PDE8A: variants seen among roughly 807,000 people sequenced by gnomAD.
The protein encoded by PDE8A is high affinity cAMP-specific and IBMX-insensitive 3',5'-cyclic phosphodiesterase 8A.
In PDE8A, 59 loss-of-function variants were observed where a neutral mutation model predicts 105.0. That is an observed-to-expected ratio of 0.56 (90% confidence interval 0.46 to 0.70). The LOEUF is 0.70. PDE8A is among the 30% of genes least tolerant of loss of function. The pLI, the probability that PDE8A is intolerant of heterozygous loss-of-function variation, is 0.00. For missense variants in PDE8A, 1,014 were observed against 1,045.9 expected, an observed-to-expected ratio of 0.97 and a Z score of 0.42; for synonymous variants, 355 against 371.9, an observed-to-expected ratio of 0.95 and a Z score of 0.52.
intron 1 of PDE8A, among the ~76,000 whole-genome samples, chr15:85,000,122 C>T (rs909703129): frequency 1.6e-4 from 25 of 152,128 alleles, no homozygotes; most frequent in African/African-American, 4.8e-4. Context: ...CTGTGAGCCA[C>T]GGTTCCTTGT....
At chr15:85,106,802 G>A (rs1229793088) in intron 11 of PDE8A, among the ~76,000 whole-genome samples, 1 of 152,214 alleles carries the variant, frequency 6.6e-6, no homozygotes, top group African/African-American at 2.4e-5. Flanking sequence ...ATGCCAGGAA[G>A]TTCTTTATCT....
chr15:85,127,492 A>G (rs1028480147), intron 20 of PDE8A, among the ~76,000 whole-genome samples: 6 of 152,236 alleles, frequency 3.9e-5, no homozygotes, highest in Non-Finnish European at 2.9e-5. Flanking sequence ...ACACAGCTCA[A>G]TATACAAAAG....
intron 1 of PDE8A, among the ~76,000 whole-genome samples, chr15:85,054,803 T>G (rs987084705): frequency 6.6e-6 from 1 of 152,240 alleles, no homozygotes; most frequent in Non-Finnish European, 1.5e-5. Flanking sequence ...TTTGTGTCGC[T>G]ATCTCCTTCA....
chr15:85,028,088 T>C (rs1356005907), intron 1 of PDE8A, among the ~76,000 whole-genome samples: 1 of 152,262 alleles, frequency 6.6e-6, no homozygotes, highest in African/African-American at 2.4e-5. Context: ...TTTTTTGTAA[T>C]CATGATTCCT....
intron 1 of PDE8A, among the ~76,000 whole-genome samples, chr15:85,045,699 G>C (rs1267111948): frequency 6.6e-6 from 1 of 152,160 alleles, no homozygotes; most frequent in African/African-American, 2.4e-5. Flanking sequence ...ATCTAGCACT[G>C]CACTTGTCTT....
At chr15:85,070,567 T>G (rs1461422733) in intron 3 of PDE8A, among the ~76,000 whole-genome samples, 2 of 152,054 alleles carry the variant, frequency 1.3e-5, no homozygotes, top group African/African-American at 2.4e-5. Flanking sequence ...GCAGGAGTTT[T>G]GAAAGGAAAA....
intron 1 of PDE8A, among the ~76,000 whole-genome samples, chr15:85,021,181 A>G (rs1274750354): frequency 6.6e-6 from 1 of 152,172 alleles, no homozygotes; most frequent in Non-Finnish European, 1.5e-5. Flanking sequence ...TATGAAGAGT[A>G]GGCCCTCACC....
intron 1 of PDE8A, among the ~76,000 whole-genome samples, chr15:85,025,258 T>C (rs1246999527): frequency 1.3e-5 from 2 of 152,110 alleles, no homozygotes; most frequent in African/African-American, 4.8e-5. Context: ...CTGGATCACT[T>C]TGCTTTTAAG....
At chr15:85,068,155 C>T (rs1216871560) in intron 3 of PDE8A, among the ~76,000 whole-genome samples, 1 of 152,160 alleles carries the variant, frequency 6.6e-6, no homozygotes, top group African/African-American at 2.4e-5. Context: ...ATTCTCCTGC[C>T]TCAGCCTCCC....
intron 1 of PDE8A, among the ~76,000 whole-genome samples, chr15:85,024,746 A>C (rs186642798): frequency 2.6e-4 from 40 of 152,252 alleles, no homozygotes; most frequent in African/African-American, 9.6e-4. Context: ...TGAGTGACCT[A>C]TGTGCCAGGC....
intron 1 of PDE8A, among the ~76,000 whole-genome samples, chr15:85,050,502 G>C (rs1001573665): frequency 6.6e-6 from 1 of 152,140 alleles, no homozygotes. Flanking sequence ...TATGGTGTTA[G>C]ATAAGGGTCC....
intron 1 of PDE8A, among the ~76,000 whole-genome samples, chr15:85,057,085 C>T (rs2081071415): frequency 6.6e-6 from 1 of 152,136 alleles, no homozygotes; most frequent in Non-Finnish European, 1.5e-5. Flanking sequence ...GAGGTCCACT[C>T]CAGACCCTGT....
chr15:85,019,307 A>G (rs957661089), intron 1 of PDE8A, among the ~76,000 whole-genome samples: 1 of 152,228 alleles, frequency 6.6e-6, no homozygotes, highest in African/African-American at 2.4e-5. Context: ...GGGGTGAAAA[A>G]TGTGAGGGAT....
At chr15:85,012,604 C>T (rs1020509987) in intron 1 of PDE8A, among the ~76,000 whole-genome samples, 5 of 150,474 alleles carry the variant, frequency 3.3e-5, no homozygotes, top group African/African-American at 7.4e-5. Flanking sequence ...TGCTAAATGA[C>T]GAGTTAATGG....
At chr15:85,106,292 A>AT (rs1275231125) in intron 11 of PDE8A, among the ~76,000 whole-genome samples, 1 of 151,986 alleles carries the variant, frequency 6.6e-6, no homozygotes, top group Non-Finnish European at 1.5e-5. Flanking sequence ...TCCCTTGAGA[A>AT]TCTGCCACTT....
chr15:85,053,490 AT>A (rs2081008857), intron 1 of PDE8A, among the ~76,000 whole-genome samples: 1 of 152,000 alleles, frequency 6.6e-6, no homozygotes, highest in Non-Finnish European at 1.5e-5. Flanking sequence ...GTCCTCTTTT[AT>A]TTTGTTGAGC....
At chr15:85,023,335 T>C (rs1286033366) in intron 1 of PDE8A, among the ~76,000 whole-genome samples, 1 of 152,166 alleles carries the variant, frequency 6.6e-6, no homozygotes, top group African/African-American at 2.4e-5. Flanking sequence ...GGCTCTGTTA[T>C]TTTTCTCCCG....
chr15:85,099,341 GTGCTT>G (rs2081817500), intron 9 of PDE8A, among the ~76,000 whole-genome samples: 2 of 152,250 alleles, frequency 1.3e-5, no homozygotes, highest in Admixed American at 1.3e-4. Context: ...CACAGCTCAC[GTGCTT>G]TGTCACCAGG....
chr15:85,060,499 T>C (rs537798037), intron 1 of PDE8A, among the ~76,000 whole-genome samples: 1 of 152,334 alleles, frequency 6.6e-6, no homozygotes, highest in African/African-American at 2.4e-5. Context: ...CATTACATTG[T>C]ATTAGGTATT....
Sources: allele counts gnomAD v4.1 joint callset (sites outside exome capture counted in the v4.1 genomes callset), GRCh38; gene constraint gnomAD v4.1.1; transcripts MANE v1.5; gene names NCBI Gene and HGNC (gene_info 2026-07-23, HGNC 2026-07-21).